Variants in HMCN1 observed in about 807,000 individuals in gnomAD.
HMCN1 encodes the protein hemicentin-1.
In HMCN1, 321 loss-of-function variants were observed where a neutral mutation model predicts 625.9. That is an observed-to-expected ratio of 0.51 (90% confidence interval 0.47 to 0.56). The LOEUF is 0.56. Ranked by LOEUF, HMCN1 falls within the 20% of genes least tolerant of loss-of-function variation. The pLI, the probability that HMCN1 is intolerant of heterozygous loss-of-function variation, is 0.00. For synonymous variants in HMCN1, 2,425 were observed against 2,417.6 expected (o/e 1.00, Z -0.09); for missense variants, 6,588 against 6,887.3 (o/e 0.96, Z 1.54).
chr1:186,188,147 G>A, intron 106 of HMCN1, 138 bp downstream of exon 106: 1 of 1,051,680 alleles, frequency 9.5e-7, no homozygotes, highest in Non-Finnish European at 1.5e-6. Context: ...GTTACAGTAA[G>A]TATTCTCTTC....
At position 186,095,303 on chromosome 1, in the gene HMCN1, C is replaced by T. The variant is rs192082799; in HGVS notation, c.10355C>T (p.Ser3452Phe). The T allele has an allele frequency of 6.2e-7, 1 of 1,613,756 alleles. No individual in the cohort carries two copies. The change falls in exon 68 of 107, where the codon TCC becomes TTC. Residue 3452 changes from serine (S) to phenylalanine (F), a missense_variant. Ser to Phe is a radical substitution (Grantham distance 155, BLOSUM62 -2). Transcript: ENST00000271588. ...TEEITVLKGS[S>F]TSMACITDGT... The stretch of plus-strand genomic sequence containing the variant: ...GAAATCACAGTTCTCAAAGGTAGTT[C>T]CACCTCTATGGCATGCATTACTGAT...
At chr1:185,793,288 G>A (rs1462153712) in intron 1 of HMCN1, among the ~76,000 whole-genome samples, 1 of 152,180 alleles carries the variant, frequency 6.6e-6, no homozygotes, top group Non-Finnish European at 1.5e-5. Context: ...GAGGCTGGAG[G>A]GGTAAATCCA....
intron 49 of HMCN1, 117 bp from the exon 50 acceptor site, chr1:186,067,717 T>A: frequency 1.5e-6 from 1 of 678,630 alleles, no homozygotes; most frequent in Non-Finnish European, 2.5e-6. Context: ...AATAATAATT[T>A]GTTTTCTGTA....
chr1:185,896,983 G>GT (rs1190369338), intron 4 of HMCN1, among the ~76,000 whole-genome samples: 2 of 152,012 alleles, frequency 1.3e-5, no homozygotes, highest in African/African-American at 4.8e-5. Flanking sequence ...ATTTTTTAAG[G>GT]TGATGCCTCT....
At chr1:186,123,709 A>G (rs181561051) in intron 81 of HMCN1, among the ~76,000 whole-genome samples, 21 of 152,340 alleles carry the variant, frequency 1.4e-4, no homozygotes, top group African/African-American at 4.8e-4. Context: ...TTAAGACAAC[A>G]AAATATTGAA....
At chr1:185,940,812 G>A (rs963952567) in intron 11 of HMCN1, among the ~76,000 whole-genome samples, 1 of 151,862 alleles carries the variant, frequency 6.6e-6, no homozygotes, top group African/African-American at 2.4e-5. Context: ...TGCCCAGGCT[G>A]GAGTGCAATG....
intron 86 of HMCN1, among the ~76,000 whole-genome samples, chr1:186,135,739 T>C (rs571494838): frequency 6.6e-6 from 1 of 152,332 alleles, no homozygotes; most frequent in South Asian, 2.1e-4. Context: ...TCATTTCTAC[T>C]TTCTTAATAA....
chr1:185,992,302 G>C (rs1652481990), intron 22 of HMCN1, among the ~76,000 whole-genome samples: 1 of 152,066 alleles, frequency 6.6e-6, no homozygotes, highest in Non-Finnish European at 1.5e-5. Context: ...TTCTTTTTCA[G>C]ATGTGCACTT....
At chr1:185,885,454 A>G (rs746215173) in intron 4 of HMCN1, among the ~76,000 whole-genome samples, 3 of 151,956 alleles carry the variant, frequency 2.0e-5, no homozygotes, top group Non-Finnish European at 4.4e-5. Flanking sequence ...ATCATGTTAC[A>G]TAGGTAAATA....
intron 4 of HMCN1, among the ~76,000 whole-genome samples, chr1:185,905,339 A>G (rs971137723): frequency 6.6e-6 from 1 of 151,706 alleles, no homozygotes; most frequent in African/African-American, 2.4e-5. Flanking sequence ...TTCAGGGACG[A>G]TAGTAGTGAA....
At chr1:186,087,899 T>C (rs1241231875) in intron 60 of HMCN1, 33 bp from the exon 61 acceptor site, 1 of 1,560,600 alleles carries the variant, frequency 6.4e-7, no homozygotes, top group Non-Finnish European at 8.8e-7. Context: ...TATAACTTAA[T>C]GGAGCACATA....
At chr1:186,025,683 A>C (rs1164294151) in intron 36 of HMCN1, among the ~76,000 whole-genome samples, 1 of 152,186 alleles carries the variant, frequency 6.6e-6, no homozygotes, top group Non-Finnish European at 1.5e-5. Context: ...ATTATAGCAA[A>C]ATGTTGGTTG....
intron 4 of HMCN1, among the ~76,000 whole-genome samples, chr1:185,905,453 G>A (rs1179856377): frequency 6.6e-6 from 1 of 151,872 alleles, no homozygotes. Flanking sequence ...AGGCATAATT[G>A]CAAACTGTAT....
chr1:185,908,850 T>C lies in HMCN1; in HGVS notation c.622-487T>C, dbSNP rs12096253. On this transcript the variant is annotated intron_variant, in intron 4 of 106. Coordinates refer to ENST00000271588, the MANE Select transcript of HMCN1 (RefSeq NM_031935.3). Reference sequence around the variant, plus strand: ...TATAATATACTATATATAATTATAATATAGTATAATACAATAATTAATATG... The same window carrying C: ...TATAATATACTATATATAATTATAACATAGTATAATACAATAATTAATATG... Among the ~76,000 whole-genome samples, 357 of 148,954 alleles carry C rather than the reference T, an allele frequency of 2.4e-3. 1 individual carries two copies. The highest frequency in any genetic ancestry group is 8.3e-3 in the African/African-American group (339 of 41,022).
intron 95 of HMCN1, 72 bp downstream of exon 95, chr1:186,151,815 C>A: frequency 6.9e-7 from 1 of 1,439,076 alleles, no homozygotes; most frequent in Non-Finnish European, 9.7e-7. Flanking sequence ...AAGAAAAATA[C>A]GTGTTCCCAC....
At chr1:185,762,672 A>G (rs1430458291) in intron 1 of HMCN1, among the ~76,000 whole-genome samples, 1 of 152,142 alleles carries the variant, frequency 6.6e-6, no homozygotes, top group East Asian at 1.9e-4. Context: ...ACCATAACCC[A>G]AAGATATGTA....
At position 186,087,296 on chromosome 1, in the gene HMCN1, C is replaced by A; in HGVS notation, c.9126C>A (p.Gly3042=). Residue 3042 remains glycine, a synonymous_variant, in exon 59 of 107, where the codon GGC becomes GGA. Coordinates refer to ENST00000271588, the MANE Select transcript of HMCN1 (RefSeq NM_031935.3). The part of the protein sequence containing the change: ...EYTCIAINQA[G]ESKKKFSLTV... ...CTTGTATAGCTATCAATCAAGCTGG[C>A]GAAAGCAAGAAAAAGTTTTCCCTGA... is the stretch of plus-strand genomic sequence containing the variant. The A allele has an allele frequency of 6.2e-7, 1 of 1,612,986 alleles. No individual in the cohort carries two copies. Among genetic ancestry groups the A allele is most frequent in the Non-Finnish European group, 8.5e-7 (1 of 1,179,284 alleles).
At chr1:185,943,620 C>T (rs1282604891) in intron 11 of HMCN1, among the ~76,000 whole-genome samples, 2 of 152,166 alleles carry the variant, frequency 1.3e-5, no homozygotes, top group Admixed American at 6.5e-5. Context: ...TCAGCCATTA[C>T]ACCCTCCCAG....
chr1:185,894,051 C>T (rs543132968), intron 4 of HMCN1, among the ~76,000 whole-genome samples: 38 of 149,144 alleles, frequency 2.5e-4, no homozygotes, highest in South Asian at 2.1e-3. Context: ...AGGAGAATGG[C>T]GTGAACCCGG....
Sources: allele counts gnomAD v4.1 joint callset (sites outside exome capture counted in the v4.1 genomes callset), GRCh38; gene constraint gnomAD v4.1.1; transcripts MANE v1.5; gene names NCBI Gene and HGNC (gene_info 2026-07-23, HGNC 2026-07-21).